AHCY: variants seen among roughly 807,000 people sequenced by gnomAD.
AHCY encodes the protein S-adenosyl-L-homocysteine hydrolase.
In AHCY, 24 loss-of-function variants were observed where a neutral mutation model predicts 45.4. The ratio of observed to expected loss-of-function variants is 0.53; its 90% CI spans 0.38 to 0.74. The LOEUF (loss-of-function observed/expected upper bound fraction) is 0.74. AHCY is among the 30% of genes least tolerant of loss of function. The probability of loss-of-function intolerance (pLI) is 0.00; values close to 1 mark genes in which losing one functional copy is unlikely to be tolerated. For synonymous variants in AHCY, 245 were observed against 235.1 expected, an observed-to-expected ratio of 1.04 and a Z score of -0.39; for missense variants, 449 against 594.1, an observed-to-expected ratio of 0.76 and a Z score of 2.54.
chr20:34,291,172 T>A (rs1203939446), intron 5 of AHCY, among the ~76,000 whole-genome samples: 1 of 152,232 alleles, frequency 6.6e-6, no homozygotes, highest in Non-Finnish European at 1.5e-5. Flanking sequence ...CATCAGTTAC[T>A]AGGAGAGATT....
the AHCY span, among the ~76,000 whole-genome samples, chr20:34,252,785 C>T: frequency 5.3e-5 from 8 of 152,138 alleles, no homozygotes; most frequent in Non-Finnish European, 1.2e-4. Flanking sequence ...TTGGACAATA[C>T]CCAGGCTTTC....
chr20:34,269,953 A>AC, the AHCY span, among the ~76,000 whole-genome samples: 1 of 64,514 alleles, frequency 1.6e-5, no homozygotes, highest in African/African-American at 5.0e-5. Context: ...TCTTAAAAAA[A>AC]AAAAAAAAAA....
At position 34,303,313 on chromosome 20, in the gene AHCY, C is replaced by T. The variant is rs765265271; in HGVS notation, c.-43G>A. ...TGGAAACGGGCGAAGGGGGCTGGGC[C>T]TCAGTCTGGGAACAGGAACTGGGCG... On this transcript the variant is annotated 5_prime_UTR_variant, in exon 1 of 10. Transcript: ENST00000217426. The T allele has an allele frequency of 1.2e-5, 19 of 1,551,588 alleles. No homozygotes were observed. The South Asian group carries it at 1.8e-4, about 15-fold the overall frequency.
chr20:34,236,097 GGAGA>G, the AHCY span, among the ~76,000 whole-genome samples: 2 of 143,076 alleles, frequency 1.4e-5, no homozygotes, highest in Non-Finnish European at 3.0e-5. Flanking sequence ...AAGGAAGGAA[GGAGA>G]AAGAAAGGAA....
chr20:34,250,526 G>A, the AHCY span, among the ~76,000 whole-genome samples: 2 of 152,078 alleles, frequency 1.3e-5, no homozygotes, highest in East Asian at 1.9e-4. Context: ...GGCCGAGCAC[G>A]GTGGCTCACA....
chr20:34,241,140 G>A, the AHCY span, among the ~76,000 whole-genome samples: 19 of 152,238 alleles, frequency 1.2e-4, no homozygotes, highest in Admixed American at 7.2e-4. Flanking sequence ...TTCTTCTGCC[G>A]CCTATAGAGA....
the AHCY span, among the ~76,000 whole-genome samples, chr20:34,273,236 T>TC: frequency 2.0e-5 from 3 of 151,840 alleles, no homozygotes; most frequent in South Asian, 6.3e-4. Context: ...TTTTTTTTTT[T>TC]TGGAGGCACA....
intron 4 of AHCY, 30 bp from the exon 5 acceptor site, chr20:34,291,561 G>A: frequency 1.9e-6 from 3 of 1,575,378 alleles, no homozygotes; most frequent in Non-Finnish European, 2.6e-6. Context: ...ACAAGCCTCA[G>A]AGATGCCACA....
upstream of AHCY, among the ~76,000 whole-genome samples, chr20:34,307,467 A>G (rs554156077): frequency 7.3e-4 from 110 of 150,552 alleles, no homozygotes; most frequent in Non-Finnish European, 1.5e-3. Flanking sequence ...CCTCCTCCCA[A>G]GTTCAAGCAA....
the AHCY span, among the ~76,000 whole-genome samples, chr20:34,261,735 G>A: frequency 1.3e-5 from 2 of 152,146 alleles, no homozygotes. Flanking sequence ...CCAGGAGGTC[G>A]ACGCTGCAGT....
the AHCY span, among the ~76,000 whole-genome samples, chr20:34,274,127 G>C: frequency 6.6e-6 from 1 of 152,160 alleles, no homozygotes; most frequent in East Asian, 1.9e-4. Context: ...TAGACTACCA[G>C]AGCAATAGTA....
the AHCY span, among the ~76,000 whole-genome samples, chr20:34,261,549 A>C: frequency 1.3e-5 from 2 of 151,936 alleles, no homozygotes; most frequent in South Asian, 4.1e-4. Flanking sequence ...CAGGAGGATC[A>C]CTTGAGCCCA....
chr20:34,283,286 A>C (rs761056144), intron 9 of AHCY, among the ~76,000 whole-genome samples: 6 of 152,094 alleles, frequency 3.9e-5, no homozygotes, highest in Non-Finnish European at 7.4e-5. Context: ...CCTGATACTT[A>C]ACATCTGTGA....
At chr20:34,285,384 G>A in intron 9 of AHCY, 56 bp downstream of exon 9, 1 of 1,597,196 alleles carries the variant, frequency 6.3e-7, no homozygotes, top group Non-Finnish European at 8.6e-7. Flanking sequence ...AGCCCTGTGT[G>A]GGGATCCCAG....
At chr20:34,298,036 G>A (rs1601677418) in intron 1 of AHCY, among the ~76,000 whole-genome samples, 1 of 152,264 alleles carries the variant, frequency 6.6e-6, no homozygotes, top group South Asian at 2.1e-4. Flanking sequence ...CTACTCAGGA[G>A]GCTGAGGCAG....
At chr20:34,236,036 A>C in the AHCY span, among the ~76,000 whole-genome samples, 2 of 142,558 alleles carry the variant, frequency 1.4e-5, no homozygotes, top group South Asian at 2.3e-4. Context: ...AAGAAAGAGA[A>C]AGAAACAGAA....
intron 3 of AHCY, among the ~76,000 whole-genome samples, chr20:34,292,972 T>G (rs1476352854): frequency 6.6e-6 from 1 of 152,130 alleles, no homozygotes; most frequent in African/African-American, 2.4e-5. Context: ...GATCCAGGGT[T>G]TGCTCTGCAC....
chr20:34,273,222 C>CTTT, the AHCY span, among the ~76,000 whole-genome samples: 5 of 141,368 alleles, frequency 3.5e-5, no homozygotes, highest in Admixed American at 7.0e-5. Flanking sequence ...TGTGGTGACC[C>CTTT]TTTTTTTTTT....
chr20:34,251,290 A>C, the AHCY span, among the ~76,000 whole-genome samples: 2 of 147,020 alleles, frequency 1.4e-5, no homozygotes. Flanking sequence ...TTTTTTTTTG[A>C]GACAGAGTCT....
Sources: gnomAD v4.1 joint callset for allele counts (sites outside exome capture counted in the v4.1 genomes callset) on GRCh38, gnomAD v4.1.1 for gene constraint, MANE v1.5 for transcripts, NCBI Gene and HGNC (gene_info 2026-07-23, HGNC 2026-07-21) for gene names.